The following RASAL2 variants were observed in gnomAD, a reference collection of about 807,000 sequenced individuals.
RASAL2 encodes ras GTPase-activating protein nGAP.
RASAL2 carries 58 observed loss-of-function variants against 128.9 expected under a neutral mutation model. The ratio of observed to expected loss-of-function variants is 0.45; its 90% CI spans 0.36 to 0.56. The LOEUF is 0.56. RASAL2 is among the 20% of genes least tolerant of loss of function. The pLI is 0.00. For missense variants in RASAL2, 1,360 were observed against 1,601.6 expected, an observed-to-expected ratio of 0.85 and a Z score of 2.57; for synonymous variants, 561 against 580.8, an observed-to-expected ratio of 0.97 and a Z score of 0.49.
At chr1:178,095,429 G>A (rs1407517017) in intron 1 of RASAL2, among the ~76,000 whole-genome samples, 1 of 152,216 alleles carries the variant, frequency 6.6e-6, no homozygotes. Flanking sequence ...AAAACTCATA[G>A]CTTAAGGATT....
At chr1:178,433,688 G>A (rs992385387) in intron 5 of RASAL2, among the ~76,000 whole-genome samples, 17 of 152,076 alleles carry the variant, frequency 1.1e-4, no homozygotes, top group African/African-American at 2.7e-4. Context: ...TGAGGCGGGC[G>A]GATCACCTGA....
At chr1:178,186,492 G>T (rs149043995) in intron 1 of RASAL2, among the ~76,000 whole-genome samples, 36 of 152,098 alleles carry the variant, frequency 2.4e-4, no homozygotes, top group African/African-American at 8.2e-4. Context: ...TTTTTGAAGG[G>T]TATGGTATGT....
At chr1:178,319,136 G>C (rs1188629050) in intron 3 of RASAL2, among the ~76,000 whole-genome samples, 1 of 152,122 alleles carries the variant, frequency 6.6e-6, no homozygotes, top group Non-Finnish European at 1.5e-5. Flanking sequence ...CACTCTTCTG[G>C]CTTGTAGGAT....
At position 178,464,352 on chromosome 1, in the gene RASAL2, G is replaced by T. The variant is rs921296855; in HGVS notation, c.3327G>T (p.Gln1109His). ...CAGCCTGGGTTCTGAACAATGGGCA[G>T]TATGAAGAGGATGTGGAAGAAACTG... ...RTAAWVLNNG[Q>H]YEEDVEETEQ... Residue 1109 changes from glutamine (Q) to histidine (H), a missense_variant, in exon 15 of 18, where the codon CAG becomes CAT. Physicochemically the swap from Gln to His is conservative, Grantham distance 24. Transcript: ENST00000367649. The T allele has an allele frequency of 1.2e-6, 2 of 1,613,832 alleles. No individual in the cohort carries two copies. The highest frequency in any genetic ancestry group is 1.7e-6 in the Non-Finnish European group (2 of 1,179,804).
intron 1 of RASAL2, among the ~76,000 whole-genome samples, chr1:178,245,351 G>C (rs2102065447): frequency 6.6e-6 from 1 of 152,252 alleles, no homozygotes; most frequent in East Asian, 1.9e-4. Context: ...TTTTTCATAT[G>C]TTTGTCAGCT....
intron 1 of RASAL2, among the ~76,000 whole-genome samples, chr1:178,249,445 C>A (rs1186841960): frequency 1.3e-5 from 2 of 151,846 alleles, no homozygotes; most frequent in South Asian, 2.1e-4. Context: ...TTCCTGTAAC[C>A]TTTTGTCAAG....
At chr1:178,155,469 A>C (rs1661053504) in intron 1 of RASAL2, among the ~76,000 whole-genome samples, 1 of 151,750 alleles carries the variant, frequency 6.6e-6, no homozygotes. Context: ...CAGCAAAAAA[A>C]AAAAAAAAAA....
chr1:178,260,444 C>T lies in RASAL2; in HGVS notation c.203-23120C>T, dbSNP rs576465782. Reference sequence around the variant, plus strand: ...AATAATTTTAGCAAACTGGAAGATTCAAGAAAGTCTGGCACCTTTTATCTA... The same window carrying T: ...AATAATTTTAGCAAACTGGAAGATTTAAGAAAGTCTGGCACCTTTTATCTA... On this transcript the variant is annotated intron_variant, in intron 1 of 17. Coordinates refer to ENST00000367649, the MANE Select transcript of RASAL2 (RefSeq NM_170692.4). Among the ~76,000 whole-genome samples the T allele has an allele frequency of 2.1e-3, 247 of 117,442 alleles. 1 individual carries two copies. Among genetic ancestry groups the T allele is most frequent in the Non-Finnish European group, 3.4e-3 (198 of 58,104 alleles). 77.0% of individuals were successfully genotyped at this position (117,442 alleles called of 152,430 possible). A position where few individuals can be genotyped will look rare whatever the true frequency, so the allele number is the denominator to read the frequency against.
At chr1:178,135,496 T>TTAA (rs1413662882) in intron 1 of RASAL2, among the ~76,000 whole-genome samples, 2 of 116,374 alleles carry the variant, frequency 1.7e-5, no homozygotes, top group South Asian at 3.1e-4. Context: ...TGTCTCTTCA[T>TTAA]AAAAAAAAAA....
chr1:178,109,640 TA>T, intron 1 of RASAL2, among the ~76,000 whole-genome samples: 1 of 152,302 alleles, frequency 6.6e-6, no homozygotes, highest in South Asian at 2.1e-4. Context: ...TTGCAGTTCT[TA>T]AAAATCTGTG....
At chr1:178,454,379 A>ATCAAATCTGTGTAATCTGTGTAATC in intron 11 of RASAL2, 68 bp from the exon 12 acceptor site, 1 of 1,314,480 alleles carries the variant, frequency 7.6e-7, no homozygotes, top group Non-Finnish European at 1.1e-6. Context: ...GTTCTGTGTA[A>ATCAAATCTGTGTAATCTGTGTAATC]TGTCAAATCA....
At chr1:178,333,965 G>A (rs1392071073) in intron 3 of RASAL2, among the ~76,000 whole-genome samples, 1 of 152,158 alleles carries the variant, frequency 6.6e-6, no homozygotes, top group Non-Finnish European at 1.5e-5. Flanking sequence ...TGTTTTTAAA[G>A]CAACAGTAAA....
intron 1 of RASAL2, among the ~76,000 whole-genome samples, chr1:178,254,069 T>C (rs1665194945): frequency 6.6e-6 from 1 of 152,228 alleles, no homozygotes; most frequent in Non-Finnish European, 1.5e-5. Flanking sequence ...CTTGGAGCCA[T>C]TCGTCTCCAT....
chr1:178,300,161 C>T (rs1395373870), intron 3 of RASAL2, 43 bp downstream of exon 3: 4 of 1,566,886 alleles, frequency 2.6e-6, no homozygotes, highest in Non-Finnish European at 2.6e-6. Context: ...GCTTTTATCC[C>T]ATAATTTATG....
At chr1:178,370,658 G>A (rs1407157125) in intron 3 of RASAL2, among the ~76,000 whole-genome samples, 1 of 152,204 alleles carries the variant, frequency 6.6e-6, no homozygotes, top group Non-Finnish European at 1.5e-5. Flanking sequence ...TCTCCTGCCA[G>A]TGTTGAACCT....
chr1:178,375,727 G>A (rs1433192128), intron 3 of RASAL2, among the ~76,000 whole-genome samples: 1 of 152,116 alleles, frequency 6.6e-6, no homozygotes, highest in African/African-American at 2.4e-5. Context: ...TTAGAGGAAT[G>A]GGGAACAAAA....
intron 1 of RASAL2, among the ~76,000 whole-genome samples, chr1:178,266,637 T>C (rs1192835655): frequency 6.6e-6 from 1 of 152,156 alleles, no homozygotes; most frequent in Non-Finnish European, 1.5e-5. Context: ...GAAGCTACCC[T>C]GTACAGAGAC....
At chr1:178,404,421 G>C (rs556447588) in intron 4 of RASAL2, among the ~76,000 whole-genome samples, 1 of 151,736 alleles carries the variant, frequency 6.6e-6, no homozygotes, top group Non-Finnish European at 1.5e-5. Context: ...TCGCTCTGTC[G>C]CCAGGCTAGA....
chr1:178,263,651 C>T (rs993006977), intron 1 of RASAL2, among the ~76,000 whole-genome samples: 2 of 152,088 alleles, frequency 1.3e-5, no homozygotes, highest in Non-Finnish European at 2.9e-5. Context: ...TGGGTCTTGC[C>T]AGGGTTTCAG....
Sources: gnomAD v4.1 joint callset for allele counts (sites outside exome capture counted in the v4.1 genomes callset) on GRCh38, gnomAD v4.1.1 for gene constraint, MANE v1.5 for transcripts, NCBI Gene and HGNC (gene_info 2026-07-23, HGNC 2026-07-21) for gene names.